RUNX1T1: variants seen among roughly 807,000 people sequenced by gnomAD.
RUNX1T1 encodes RUNX1 partner transcriptional co-repressor 1, also known as protein CBFA2T1.
Under a neutral mutation model 62.8 loss-of-function variants are expected in RUNX1T1, and 4 were observed. The ratio of observed to expected loss-of-function variants is 0.06; its 90% CI spans 0.03 to 0.15. RUNX1T1 has a LOEUF of 0.15. RUNX1T1 is among the 10% of genes least tolerant of loss of function. The pLI is 1.00. For synonymous variants in RUNX1T1, 291 were observed against 286.0 expected (o/e 1.02, Z -0.18); for missense variants, 508 against 754.3 (o/e 0.67, Z 3.82).
chr8:92,089,259 A>G (rs1386013751), intron 1 of RUNX1T1, among the ~76,000 whole-genome samples: 1 of 152,246 alleles, frequency 6.6e-6, no homozygotes, highest in Non-Finnish European at 1.5e-5. Context: ...AATAATGTCT[A>G]TATTTTAATC....
intron 4 of RUNX1T1, among the ~76,000 whole-genome samples, chr8:92,008,551 T>C (rs894118870): frequency 6.6e-6 from 1 of 152,006 alleles, no homozygotes; most frequent in Non-Finnish European, 1.5e-5. Flanking sequence ...GCCAGCAATA[T>C]TGAACCAAGC....
chr8:92,043,657 A>G (rs1396945305), intron 1 of RUNX1T1, among the ~76,000 whole-genome samples: 14 of 152,062 alleles, frequency 9.2e-5, no homozygotes, highest in Admixed American at 7.9e-4. Context: ...CAGTATTAAA[A>G]TCACAATTTA....
chr8:92,036,896 T>C (rs191352014), intron 1 of RUNX1T1, among the ~76,000 whole-genome samples: 74 of 152,342 alleles, frequency 4.9e-4, no homozygotes, highest in Non-Finnish European at 6.3e-4. Context: ...CTGGAACTCT[T>C]ATATTGTTCC....
rs11374252 is a variant in RUNX1T1 at position 91,970,043 on chromosome 8, T to TGTGTGTTGTGTGTGTGTG, written c.1458+614_1458+615insCACACACACACAACACAC. On this transcript the variant is annotated intron_variant, in intron 10 of 10. Coordinates refer to ENST00000396218, the Ensembl canonical transcript of RUNX1T1. ...CTGTGTGTGTGTGTGTGTGTGTGTGTTGTGTGTGTGTGTGTGAGAATTATT... is the reference window on the plus strand; with the variant it reads ...CTGTGTGTGTGTGTGTGTGTGTGTGTGTGTGTTGTGTGTGTGTGTGTGTGTGTGTGTGTGAGAATTATT... 1.9e-4 allele frequency among the ~76,000 whole-genome samples: 27 copies of TGTGTGTTGTGTGTGTGTG among 142,808 alleles called. No homozygotes were observed. In the Middle Eastern group the frequency reaches 0.011, roughly 57 times the overall value. The allele number at this position is 142,808 out of a possible 152,430, so 93.7% of individuals were successfully genotyped here. A position where few individuals can be genotyped will look rare whatever the true frequency, so the allele number is the denominator to read the frequency against.
At chr8:92,019,329 G>C (rs1823628980) in intron 1 of RUNX1T1, among the ~76,000 whole-genome samples, 1 of 152,074 alleles carries the variant, frequency 6.6e-6, no homozygotes, top group African/African-American at 2.4e-5. Context: ...TTTTCATTCT[G>C]CTAACACTCA....
At chr8:92,095,087 G>C in intron 1 of RUNX1T1, 1 of 1,535,684 alleles carries the variant, frequency 6.5e-7, no homozygotes, top group South Asian at 1.2e-5. Flanking sequence ...GCCAGGGGTA[G>C]ATGCCTCCTC....
chr8:91,985,491 A>G (rs1816364369), intron 8 of RUNX1T1, among the ~76,000 whole-genome samples: 1 of 152,220 alleles, frequency 6.6e-6, no homozygotes, highest in African/African-American at 2.4e-5. Flanking sequence ...TAGAATTAAT[A>G]TAATCATGAT....
At chr8:91,969,493 A>T (rs1052415495) in intron 10 of RUNX1T1, among the ~76,000 whole-genome samples, 2 of 55,814 alleles carry the variant, frequency 3.6e-5, no homozygotes, top group Non-Finnish European at 7.4e-5. Flanking sequence ...TTTAAAATAA[A>T]AAACATAAAG....
At chr8:92,037,033 T>C (rs1394583688) in intron 1 of RUNX1T1, among the ~76,000 whole-genome samples, 2 of 152,180 alleles carry the variant, frequency 1.3e-5, no homozygotes, top group African/African-American at 4.8e-5. Flanking sequence ...ATAATGGTGA[T>C]GGGCTAATGA....
chr8:92,012,000 G>A (rs1169395846), intron 3 of RUNX1T1, among the ~76,000 whole-genome samples: 1 of 152,108 alleles, frequency 6.6e-6, no homozygotes, highest in East Asian at 1.9e-4. Flanking sequence ...CAATAATTCT[G>A]ATGACTGACA....
At chr8:92,087,397 A>AG (rs5893190) in intron 1 of RUNX1T1, among the ~76,000 whole-genome samples, 129,201 of 152,090 alleles carry the variant, frequency 0.85, 55,301 homozygotes, top group East Asian at 0.99. Context: ...ACTCCTCCAA[A>AG]GTCTTTTCCA....
At chr8:92,042,664 C>G (rs1311661700) in intron 1 of RUNX1T1, among the ~76,000 whole-genome samples, 1 of 152,196 alleles carries the variant, frequency 6.6e-6, no homozygotes, top group Non-Finnish European at 1.5e-5. Context: ...GTCCTGGCAA[C>G]TGCCTCTGTA....
At chr8:92,013,014 A>T (rs1393856803) in intron 3 of RUNX1T1, among the ~76,000 whole-genome samples, 1 of 152,114 alleles carries the variant, frequency 6.6e-6, no homozygotes, top group Admixed American at 6.6e-5. Flanking sequence ...CTGCATTTTC[A>T]ATTATGGAAC....
At chr8:92,004,946 ACT>A (rs1195225536) in intron 5 of RUNX1T1, 168 bp downstream of exon 6, 4 of 593,500 alleles carry the variant, frequency 6.7e-6, no homozygotes, top group Non-Finnish European at 1.1e-5. Context: ...GAGATTCAAA[ACT>A]CTGTAAAATC....
At chr8:92,031,209 G>A (rs76744844) in intron 1 of RUNX1T1, among the ~76,000 whole-genome samples, 55 of 152,020 alleles carry the variant, frequency 3.6e-4, no homozygotes, top group African/African-American at 1.2e-3. Context: ...CTGTATCTCC[G>A]GTGTCTAAAC....
At chr8:92,098,336 G>T (rs1837882722) in intron 1 of RUNX1T1, among the ~76,000 whole-genome samples, 1 of 152,082 alleles carries the variant, frequency 6.6e-6, no homozygotes, top group Admixed American at 6.5e-5. Context: ...ATTTCTCATG[G>T]ATACAAAGCT....
chr8:92,057,431 G>A lies in RUNX1T1; in HGVS notation c.7+5115C>T, dbSNP rs530067527. On this transcript the variant is annotated intron_variant, in intron 1 of 10. Coordinates refer to ENST00000396218, the Ensembl canonical transcript of RUNX1T1. ...TTATCTGATCTTCAGGCTTCAAATA[G>A]ATCACATGGTAACAGAAACAATTTG... Among the ~76,000 whole-genome samples the A allele has an allele frequency of 3.9e-5, 6 of 152,290 alleles. No individual in the cohort carries two copies. The South Asian group carries it at 8.3e-4, about 21-fold the overall frequency.
intron 4 of RUNX1T1, 102 bp downstream of exon 5, chr8:92,010,895 CATTAA>C: frequency 1.6e-6 from 1 of 640,760 alleles, no homozygotes; most frequent in Non-Finnish European, 2.8e-6. Context: ...AGTTTTCATC[CATTAA>C]ATTAAATCAA....
intron 1 of RUNX1T1, among the ~76,000 whole-genome samples, chr8:92,088,306 T>C (rs967566384): frequency 5.3e-5 from 8 of 152,348 alleles, no homozygotes; most frequent in Non-Finnish European, 7.3e-5. Flanking sequence ...AACATATGCA[T>C]AGACTCAGAA....
Sources: allele counts gnomAD v4.1 joint callset (sites outside exome capture counted in the v4.1 genomes callset), GRCh38; gene constraint gnomAD v4.1.1; transcripts MANE v1.5; gene names NCBI Gene and HGNC (gene_info 2026-07-23, HGNC 2026-07-21).